The following COL1A2 variants were observed in gnomAD, a reference collection of about 807,000 sequenced individuals.
COL1A2 encodes collagen alpha-2(I) chain.
COL1A2 carries 49 observed loss-of-function variants against 174.3 expected under a neutral mutation model. The observed-to-expected ratio is 0.28, with a 90% CI of 0.22 to 0.36. The LOEUF (loss-of-function observed/expected upper bound fraction) is 0.36, where lower values mean the gene tolerates loss of function less well. COL1A2 is among the 10% of genes least tolerant of loss of function. The pLI, the probability that COL1A2 is intolerant of heterozygous loss-of-function variation, is 1.00. For synonymous variants in COL1A2, 655 were observed against 606.6 expected (o/e 1.08, Z -1.17); for missense variants, 1,438 against 1,822.7 (o/e 0.79, Z 3.84).
chr7:94,403,783 A>G (rs922436255), intron 6 of COL1A2, among the ~76,000 whole-genome samples: 2 of 152,212 alleles, frequency 1.3e-5, no homozygotes, highest in South Asian at 4.1e-4. Context: ...GACCCTACGG[A>G]TGAGCTTACA....
chr7:94,422,933 A>ATGACCT (rs1392156376), intron 39 of COL1A2, 24 bp from the exon 40 acceptor site: 9 of 1,613,986 alleles, frequency 5.6e-6, no homozygotes, highest in Non-Finnish European at 2.5e-6. Context: ...CAGAAAGGAA[A>ATGACCT]TGACCTTGTA....
chr7:94,408,474 GA>G lies in COL1A2; in HGVS notation c.738+95del, dbSNP rs41316917. 2,552 of 1,411,998 alleles carry G rather than the reference GA, an allele frequency of 1.8e-3. 31 individuals are homozygous for G. The African/African-American group carries it at 0.03, about 16-fold the overall frequency. 87.5% of individuals were successfully genotyped at this position (1,411,998 alleles called of 1,614,324 possible). A position where few individuals can be genotyped will look rare whatever the true frequency, so the allele number is the denominator to read the frequency against. On this transcript the variant is annotated intron_variant, in intron 15 of 51. Transcript: ENST00000297268. ...TCTCTTACGAAATAGCATCATTTCAGACACTTTACCAAATGTTCTGTGAGGT... is the reference window on the plus strand; with the variant it reads ...TCTCTTACGAAATAGCATCATTTCAGCACTTTACCAAATGTTCTGTGAGGT...
In COL1A2 at chr7:94,408,472, C is replaced by T. The variant is rs1389340516; in HGVS notation, c.738+92C>T. ...AATCTCTTACGAAATAGCATCATTT[C>T]AGACACTTTACCAAATGTTCTGTGA... On this transcript the variant is annotated intron_variant, in intron 15 of 51. Coordinates refer to ENST00000297268, the MANE Select transcript of COL1A2 (RefSeq NM_000089.4). 7.7e-6 allele frequency: 11 copies of T among 1,419,960 alleles called. No individual in the cohort carries two copies. In the Admixed American group the frequency reaches 1.3e-4, roughly 17 times the overall value. 88.0% of individuals were successfully genotyped at this position (1,419,960 alleles called of 1,614,324 possible). A position where few individuals can be genotyped will look rare whatever the true frequency, so the allele number is the denominator to read the frequency against.
intron 28 of COL1A2, 52 bp downstream of exon 28, chr7:94,413,999 G>A: frequency 6.6e-7 from 1 of 1,511,358 alleles, no homozygotes; most frequent in Non-Finnish European, 9.2e-7. Flanking sequence ...CTATTGAGCT[G>A]TAAATCACCA....
Position 94,425,696 on chromosome 7 carries a change from A to T in COL1A2, c.2835+33A>T, listed in dbSNP as rs1792258842. 3.1e-6 allele frequency: 5 copies of T among 1,614,028 alleles called. No homozygotes were observed. In the African/African-American group the frequency reaches 5.3e-5, roughly 17 times the overall value. Reference sequence around the variant, plus strand: ...CACTTTTCATCTTTCTCTAATTCAAAAGTGATTAAAATGCAACCCAGATTG... The same window carrying T: ...CACTTTTCATCTTTCTCTAATTCAATAGTGATTAAAATGCAACCCAGATTG... On this transcript the variant is annotated intron_variant, in intron 43 of 51. Transcript: ENST00000297268.
chr7:94,401,416 G>T (rs1791685256), intron 5 of COL1A2, 151 bp from the exon 6 acceptor site: 1 of 281,388 alleles, frequency 3.6e-6, no homozygotes. Context: ...GTTCAATATA[G>T]AATTTTAAAC....
Position 94,408,812 on chromosome 7 carries a change from C to A in COL1A2, c.781C>A (p.Pro261Thr), listed in dbSNP as rs141075408. 6.8e-6 allele frequency: 11 copies of A among 1,614,028 alleles called. No individual in the cohort carries two copies. The highest frequency in any genetic ancestry group is 9.3e-6 in the Non-Finnish European group (11 of 1,180,042). Residue 261 changes from proline (P) to threonine (T), a missense_variant, in exon 16 of 52, where the codon CCT becomes ACT. By Grantham distance (38) the Pro-to-Thr change is conservative. Transcript: ENST00000297268. Reference sequence around the variant, plus strand: ...TGGCCCTCCAGGCTTCCCAGGTGCCCCTGGCCCCAAGGTAAAAACACTGGT... The same window carrying A: ...TGGCCCTCCAGGCTTCCCAGGTGCCACTGGCCCCAAGGTAAAAACACTGGT... The part of the protein sequence containing the change: ...SAGPPGFPGA[P>T]GPKGEIGAVG...
At position 94,424,452 on chromosome 7, in the gene COL1A2, T is replaced by C. The variant is rs2115946928; in HGVS notation, c.2673+9T>C. On this transcript the variant is annotated intron_variant, in intron 41 of 51. Coordinates refer to ENST00000297268, the MANE Select transcript of COL1A2 (RefSeq NM_000089.4). ...GTGTTGCTGGTGCTGTGGTGAGTGC[T>C]TGACAGTATTCTGACTCCATTAACA... 1 of 1,611,490 alleles carries C rather than the reference T, an allele frequency of 6.2e-7. No homozygotes were observed. The highest frequency in any genetic ancestry group is 1.7e-5 in the Admixed American group (1 of 60,018).
chr7:94,424,706 C>G, intron 41 of COL1A2: 2 of 495,944 alleles, frequency 4.0e-6, no homozygotes, highest in African/African-American at 3.9e-5. Flanking sequence ...TCTCTAATTG[C>G]GTTTACTCCT....
rs370275593 is a variant in COL1A2, at chr7:94,410,239, T to C, written c.1036-3T>C. 98 of 1,613,538 alleles carry C rather than the reference T, an allele frequency of 6.1e-5. No homozygotes were observed. The highest frequency in any genetic ancestry group is 7.5e-5 in the Non-Finnish European group (89 of 1,179,994). ...TTGACCACTGTTCTGTATTGAACCC[T>C]AGGGTGAGCCTGGTCCAGCTGGCTC... On this transcript the variant is annotated splice_polypyrimidine_tract_variant and splice_region_variant and intron_variant, in intron 19 of 51. Coordinates refer to ENST00000297268, the MANE Select transcript of COL1A2 (RefSeq NM_000089.4).
chr7:94,414,051 G>T, intron 28 of COL1A2, 104 bp downstream of exon 28: 1 of 1,357,258 alleles, frequency 7.4e-7, no homozygotes, highest in Non-Finnish European at 1.1e-6. Flanking sequence ...ATGATTTCAG[G>T]ACTGAAGCAA....
In COL1A2 at chr7:94,406,303, G is replaced by T. The variant is rs548276247; in HGVS notation, c.594G>T (p.Lys198Asn). ...GACAGCCCGGTGCTCCTGGTGTGAA[G>T]GTAAATATTAAATTAGAAGCACTGT... is the stretch of plus-strand genomic sequence containing the variant. ...LKGQPGAPGVKGEPGAPGENG... is the reference protein window; with the variant it reads ...LKGQPGAPGVNGEPGAPGENG... Residue 198 changes from lysine (K) to asparagine (N), a missense_variant and splice_region_variant, in exon 12 of 52, where the codon AAG (lysine) becomes AAT (asparagine). Transcript: ENST00000297268. The T allele has an allele frequency of 6.2e-7, 1 of 1,613,792 alleles. No homozygotes were observed. Among genetic ancestry groups the T allele is most frequent in the East Asian group, 2.2e-5 (1 of 44,860 alleles).
At chr7:94,427,442 A>G in intron 48 of COL1A2, 147 bp downstream of exon 48, 1 of 1,048,632 alleles carries the variant, frequency 9.5e-7, no homozygotes, top group Non-Finnish European at 1.4e-6. Flanking sequence ...TCTATATGCA[A>G]TGGGCTTGTT....
In COL1A2 at chr7:94,424,415, G is replaced by T; in HGVS notation, c.2645G>T (p.Arg882Leu). 1 of 1,614,124 alleles carries T rather than the reference G, an allele frequency of 6.2e-7. No homozygotes were observed. Among genetic ancestry groups the T allele is most frequent in the African/African-American group, 1.3e-5 (1 of 75,044 alleles). Residue 882 changes from arginine to leucine, a missense_variant, in exon 41 of 52, where the codon CGT becomes CTT. This residue lies in a region of COL1A2 where 867 missense variants were observed against 1,213.7 expected (regional missense o/e 0.71). Coordinates refer to ENST00000297268, the MANE Select transcript of COL1A2 (RefSeq NM_000089.4). ...ILGLPGSRGE[R>L]GLPGVAGAVG... ...GGTCTCCCTGGCTCGAGAGGTGAAC[G>T]TGGTCTACCAGGTGTTGCTGGTGCT...
In COL1A2 at chr7:94,413,762, C is replaced by G. The variant is rs553996500; in HGVS notation, c.1611+19C>G. 2 of 1,613,958 alleles carry G rather than the reference C, an allele frequency of 1.2e-6. No individual in the cohort carries two copies. The highest frequency in any genetic ancestry group is 1.7e-6 in the Non-Finnish European group (2 of 1,179,794). ...ACCACAGGTGAGTATTTCTCCCACTCTTGTGCTCTTCTGCACTAGAATGTA... is the reference window on the plus strand; with the variant it reads ...ACCACAGGTGAGTATTTCTCCCACTGTTGTGCTCTTCTGCACTAGAATGTA... On this transcript the variant is annotated intron_variant, in intron 27 of 51. Coordinates refer to ENST00000297268, the MANE Select transcript of COL1A2 (RefSeq NM_000089.4).
In COL1A2 at chr7:94,425,816, C is replaced by A. The variant is rs1792261525; in HGVS notation, c.2902C>A (p.Pro968Thr). The A allele has an allele frequency of 6.2e-7, 1 of 1,612,428 alleles. No individual in the cohort carries two copies. The highest frequency in any genetic ancestry group is 1.3e-5 in the African/African-American group (1 of 74,828). Residue 968 changes from proline (P) to threonine (T), a missense_variant, in exon 44 of 52, where the codon CCC becomes ACC. Around this residue, in one of 3 missense-constraint regions of COL1A2, gnomAD observed 867 missense variants for 1,213.7 expected, o/e 0.71. Transcript: ENST00000297268. ...GAAGAPGPHG[P>T]VGPAGKHGNR... ...TGCAGGTGCACCTGGTCCTCATGGC[C>A]CCGTGGGTCCTGCTGGCAAACATGG...
At chr7:94,412,486 T>C (rs1791948945) in intron 24 of COL1A2, 98 bp from the exon 25 acceptor site, 2 of 926,754 alleles carry the variant, frequency 2.2e-6, no homozygotes, top group African/African-American at 3.3e-5. Flanking sequence ...GCTCTATGCA[T>C]TCAGAAAACT....
rs41317153 is a variant in COL1A2, at chr7:94,414,246, G to A, written c.1690G>A (p.Ala564Thr). The A allele has an allele frequency of 1.9e-5, 30 of 1,613,964 alleles. No individual in the cohort carries two copies. The highest frequency in any genetic ancestry group is 3.3e-4 in the Middle Eastern group (2 of 6,084). Residue 564 changes from alanine (A) to threonine (T), a missense_variant, in exon 29 of 52, where the codon GCT becomes ACT. Ala to Thr is a moderately conservative substitution (Grantham distance 58). Around this residue, in one of 3 missense-constraint regions of COL1A2, gnomAD observed 867 missense variants for 1,213.7 expected, o/e 0.71. Transcript: ENST00000297268. ...GGGTCTGCCTGGCCCCTCAGGTCCC[G>A]CTGGTGAAGTTGGCAAACCAGGAGA... Reference protein sequence around the residue: ...FQGLPGPSGPAGEVGKPGERG... With the variant: ...FQGLPGPSGPTGEVGKPGERG...
rs1470507414 is a variant in COL1A2, at chr7:94,424,370, T to C, written c.2600T>C (p.Leu867Pro). 6.2e-7 allele frequency: 1 copy of C among 1,614,136 alleles called. No homozygotes were observed. Among genetic ancestry groups the C allele is most frequent in the Admixed American group, 1.7e-5 (1 of 60,018 alleles). Residue 867 changes from leucine to proline, a missense_variant, in exon 41 of 52, where the codon CTT becomes CCT. By Grantham distance (98) the Leu-to-Pro change is moderately conservative (BLOSUM62 -3). Transcript: ENST00000297268. The stretch of plus-strand genomic sequence containing the variant: ...GGCACTCCAGGTCCTCAGGGTCTTC[T>C]TGGTGCTCCTGGTATTCTGGGTCTC... Reference protein sequence around the residue: ...PPGTPGPQGLLGAPGILGLPG... With the variant: ...PPGTPGPQGLPGAPGILGLPG...
Sources: gnomAD v4.1 joint callset for allele counts (sites outside exome capture counted in the v4.1 genomes callset) on GRCh38, gnomAD v4.1.1 for gene constraint, gnomAD v4.1.1 regional missense constraint, MANE v1.5 for transcripts, NCBI Gene and HGNC (gene_info 2026-07-23, HGNC 2026-07-21) for gene names.